The following RFT1 variants were observed in gnomAD, a reference collection of about 807,000 sequenced individuals.
RFT1 encodes the protein RFT1 glycolipid translocator homolog.
In RFT1, 43 loss-of-function variants were observed where a neutral mutation model predicts 62.2. The ratio of observed to expected loss-of-function variants is 0.69; its 90% CI spans 0.54 to 0.89. The LOEUF (loss-of-function observed/expected upper bound fraction) is 0.89. Among genes scored for constraint, RFT1 ranks in the 40% least tolerant of loss-of-function variants. RFT1 has a pLI of 0.00. For synonymous variants in RFT1, 262 were observed against 264.6 expected, an observed-to-expected ratio of 0.99 and a Z score of 0.10; for missense variants, 605 against 649.9, an observed-to-expected ratio of 0.93 and a Z score of 0.75.
chr3:53,073,424 C>T, the RFT1 span, among the ~76,000 whole-genome samples: 1 of 152,210 alleles, frequency 6.6e-6, no homozygotes, highest in Admixed American at 6.5e-5. Flanking sequence ...GCGGAAGTCC[C>T]GCCTCTGTGG....
At chr3:53,071,583 C>T in the RFT1 span, among the ~76,000 whole-genome samples, 3 of 152,224 alleles carry the variant, frequency 2.0e-5, no homozygotes, top group East Asian at 1.9e-4. Context: ...CAGCCCTTGA[C>T]GGGCCCAGCA....
the RFT1 span, among the ~76,000 whole-genome samples, chr3:53,081,818 T>TCTCCTGGGCTC: frequency 6.6e-6 from 1 of 152,124 alleles, no homozygotes; most frequent in South Asian, 2.1e-4. Flanking sequence ...TGCGAAACAA[T>TCTCCTGGGCTC]TACCCTAAAT....
chr3:53,125,727 A>G (rs926550901), intron 2 of RFT1, among the ~76,000 whole-genome samples, 182 bp downstream of exon 2: 1 of 152,254 alleles, frequency 6.6e-6, no homozygotes, highest in African/African-American at 2.4e-5. Context: ...GTCCATTAAA[A>G]GCAACATCGC....
At chr3:53,121,824 A>C in intron 4 of RFT1, 24 bp from the exon 5 acceptor site, 1 of 1,577,790 alleles carries the variant, frequency 6.3e-7, no homozygotes, top group Non-Finnish European at 8.7e-7. Context: ...GTTAAGGTGC[A>C]GTTTACAAAC....
chr3:53,087,419 C>G (rs571834627), downstream of RFT1, among the ~76,000 whole-genome samples: 1 of 152,176 alleles, frequency 6.6e-6, no homozygotes, highest in South Asian at 2.1e-4. Context: ...CAGCTCCCAC[C>G]GTCCGGGCCT....
chr3:53,115,493 C>G (rs535240385), intron 6 of RFT1, among the ~76,000 whole-genome samples: 34 of 152,288 alleles, frequency 2.2e-4, no homozygotes, highest in Middle Eastern at 3.4e-3. Context: ...GCCACTGCCA[C>G]CTGACCCTAG....
chr3:53,076,388 G>T, the RFT1 span, among the ~76,000 whole-genome samples: 1 of 152,150 alleles, frequency 6.6e-6, no homozygotes, highest in South Asian at 2.1e-4. Flanking sequence ...TATTTGGTCA[G>T]ATTTGTATGA....
the RFT1 span, among the ~76,000 whole-genome samples, chr3:53,070,320 TG>T: frequency 7.0e-6 from 1 of 142,616 alleles, no homozygotes; most frequent in East Asian, 2.1e-4. Flanking sequence ...GAGGTCAAGG[TG>T]GGAGGATTGC....
rs1448815057 is a variant in RFT1, at chr3:53,105,564, T to C, written c.957+109A>G. The C allele has an allele frequency of 4.5e-6, 6 of 1,345,616 alleles. No individual in the cohort carries two copies. In the Admixed American group the frequency reaches 8.6e-5, roughly 19 times the overall value. 83.4% of individuals were successfully genotyped at this position (1,345,616 alleles called of 1,614,324 possible). On this transcript the variant is annotated intron_variant, in intron 9 of 12. Transcript: ENST00000296292. ...GAATGTAATAGAAGAATGAAATCTA[T>C]AAGAAAATTCCTGATCAAACAGAAG...
rs777508218 is a variant in RFT1, at chr3:53,092,419, C to T, written c.1408G>A (p.Val470Ile). 1.2e-6 allele frequency: 2 copies of T among 1,609,222 alleles called. No individual in the cohort carries two copies. Among genetic ancestry groups the T allele is most frequent in the Non-Finnish European group, 8.5e-7 (1 of 1,178,168 alleles). Reference sequence around the variant, plus strand: ...CTGAGGGCAAATGTCCCGAGCAGGACTGGCGATAGGTGCAGGCCAGCCAGG... The same window carrying T: ...CTGAGGGCAAATGTCCCGAGCAGGATTGGCGATAGGTGCAGGCCAGCCAGG... ...RPLAGLHLSPVLLGTFALSGG... is the reference protein window; with the variant it reads ...RPLAGLHLSPILLGTFALSGG... The change falls in exon 12 of 13, where the codon GTC becomes ATC. Residue 470 changes from valine to isoleucine, a missense_variant. By Grantham distance (29) the Val-to-Ile change is conservative. Coordinates refer to ENST00000296292, the MANE Select transcript of RFT1 (RefSeq NM_052859.4).
At chr3:53,073,655 C>T in the RFT1 span, among the ~76,000 whole-genome samples, 4 of 152,168 alleles carry the variant, frequency 2.6e-5, no homozygotes, top group Non-Finnish European at 2.9e-5. Flanking sequence ...CTGTGCCGGG[C>T]GAAGAGGATT....
intron 11 of RFT1, among the ~76,000 whole-genome samples, chr3:53,095,257 G>A (rs1005474307): frequency 1.3e-5 from 2 of 151,114 alleles, no homozygotes; most frequent in Admixed American, 6.6e-5. Flanking sequence ...GCAAGACTCC[G>A]TCTTAAAAAA....
chr3:53,102,645 G>A (rs1438822463), intron 10 of RFT1, among the ~76,000 whole-genome samples: 1 of 152,180 alleles, frequency 6.6e-6, no homozygotes, highest in African/African-American at 2.4e-5. Context: ...CCCAAACAAC[G>A]GAAGAGAAGC....
the RFT1 span, among the ~76,000 whole-genome samples, chr3:53,080,817 G>A: frequency 1.2e-4 from 19 of 152,138 alleles, no homozygotes; most frequent in Middle Eastern, 3.4e-3. Context: ...GAAGGGGGTA[G>A]GGTAGCAGGG....
chr3:53,102,644 C>T (rs757245923), intron 10 of RFT1, among the ~76,000 whole-genome samples: 4 of 152,202 alleles, frequency 2.6e-5, no homozygotes, highest in South Asian at 4.1e-4. Flanking sequence ...TCCCAAACAA[C>T]GGAAGAGAAG....
intron 6 of RFT1, among the ~76,000 whole-genome samples, chr3:53,115,937 T>C (rs1701778188): frequency 6.6e-6 from 1 of 152,272 alleles, no homozygotes; most frequent in South Asian, 2.1e-4. Context: ...GTGCCTAACA[T>C]ATAATAATGT....
chr3:53,118,953 A>C (rs1203504466), intron 6 of RFT1, among the ~76,000 whole-genome samples: 2 of 152,198 alleles, frequency 1.3e-5, no homozygotes, highest in Admixed American at 1.3e-4. Flanking sequence ...GTGGTGGCTC[A>C]TAATCCCAGC....
chr3:53,104,454 C>T (rs1332022961), intron 9 of RFT1, among the ~76,000 whole-genome samples: 1 of 151,872 alleles, frequency 6.6e-6, no homozygotes, highest in Non-Finnish European at 1.5e-5. Context: ...ATCTCAAACT[C>T]CTGGCCTCAA....
intron 6 of RFT1, among the ~76,000 whole-genome samples, chr3:53,117,014 C>T (rs1015178407): frequency 2.6e-5 from 4 of 152,178 alleles, no homozygotes; most frequent in Non-Finnish European, 4.4e-5. Context: ...TGGAAGGCTA[C>T]ATAACATAGG....
Sources: gnomAD v4.1 joint callset for allele counts (sites outside exome capture counted in the v4.1 genomes callset) on GRCh38, gnomAD v4.1.1 for gene constraint, MANE v1.5 for transcripts, NCBI Gene and HGNC (gene_info 2026-07-23, HGNC 2026-07-21) for gene names.